The following PAIP2 variants were observed in gnomAD, a reference collection of about 807,000 sequenced individuals.
The protein encoded by PAIP2 is poly(A) binding protein interacting protein 2, also known as polyadenylate-binding protein-interacting protein 2.
A neutral mutation model predicts 14.8 loss-of-function variants in PAIP2; 7 were observed. That is an observed-to-expected ratio of 0.47 (90% CI 0.27 to 0.89). PAIP2 has a LOEUF of 0.89. PAIP2 is among the 40% of genes least tolerant of loss of function. PAIP2 has a pLI of 0.13. For synonymous variants in PAIP2, 47 were observed against 45.3 expected (o/e 1.04, Z -0.15); for missense variants, 122 against 154.7 (o/e 0.79, Z 1.12).
At position 139,354,822 on chromosome 5, in the gene PAIP2, C is replaced by CT. The variant is rs113652416; in HGVS notation, c.-26-8921dup. Among the ~76,000 whole-genome samples the CT allele has an allele frequency of 5.9e-3, 817 of 139,402 alleles. 8 individuals carry two copies. Among genetic ancestry groups the CT allele is most frequent in the African/African-American group, 0.016 (620 of 38,212 alleles). The allele number at this position is 139,402 out of a possible 152,430, so 91.5% of individuals were successfully genotyped here. ...AGTAAATTTTTCATTTCAGTTGTAC[C>CT]TTTTTTTTTTTTTTTTGAGATGGAG... is the stretch of plus-strand genomic sequence containing the variant. On this transcript the variant is annotated intron_variant, in intron 1 of 3. Coordinates refer to ENST00000265192, the MANE Select transcript of PAIP2 (RefSeq NM_016480.5).
At chr5:139,354,472 A>G (rs1300088743) in intron 1 of PAIP2, among the ~76,000 whole-genome samples, 1 of 152,182 alleles carries the variant, frequency 6.6e-6, no homozygotes, top group East Asian at 1.9e-4. Flanking sequence ...ATTCGATTGT[A>G]ATGTGTATTG....
rs530127773 is a variant in PAIP2, at chr5:139,356,561, T to C, written c.-26-7198T>C. Among the ~76,000 whole-genome samples, 14 of 151,996 alleles carry C rather than the reference T, an allele frequency of 9.2e-5. No homozygotes were observed. In the East Asian group the frequency reaches 2.7e-3, roughly 30 times the overall value. On this transcript the variant is annotated intron_variant, in intron 1 of 3. Coordinates refer to ENST00000265192, the MANE Select transcript of PAIP2 (RefSeq NM_016480.5). Reference sequence around the variant, plus strand: ...TATGGGCCATACTTTTTTATTTCTTTGCATGCCTCATAATTTTTGTTGAAA... The same window carrying C: ...TATGGGCCATACTTTTTTATTTCTTCGCATGCCTCATAATTTTTGTTGAAA...
At chr5:139,353,826 TCTC>T (rs1323964048) in intron 1 of PAIP2, among the ~76,000 whole-genome samples, 6 of 152,018 alleles carry the variant, frequency 3.9e-5, no homozygotes, top group Non-Finnish European at 7.4e-5. Context: ...TTCCAGCAGT[TCTC>T]CTGCCTCAGC....
At chr5:139,348,836 C>A (rs922024328) in intron 1 of PAIP2, among the ~76,000 whole-genome samples, 1 of 151,928 alleles carries the variant, frequency 6.6e-6, no homozygotes, top group East Asian at 1.9e-4. Flanking sequence ...TGCCACCACA[C>A]CCAGCTAATT....
Position 139,355,716 on chromosome 5 carries a change from G to A in PAIP2, c.-26-8043G>A, listed in dbSNP as rs934156716. Among the ~76,000 whole-genome samples the A allele has an allele frequency of 2.0e-5, 3 of 151,582 alleles. No homozygotes were observed. In the East Asian group the frequency reaches 5.9e-4, roughly 30 times the overall value. Reference sequence around the variant, plus strand: ...CTAAAATAATACAAAAATTAATTGGGTGTGGTGGCGGGCGCCTGTAATCCC... The same window carrying A: ...CTAAAATAATACAAAAATTAATTGGATGTGGTGGCGGGCGCCTGTAATCCC... On this transcript the variant is annotated intron_variant, in intron 1 of 3. Transcript: ENST00000265192.
At chr5:139,351,290 C>T (rs778774338) in intron 1 of PAIP2, among the ~76,000 whole-genome samples, 10 of 151,060 alleles carry the variant, frequency 6.6e-5, no homozygotes, top group African/African-American at 9.8e-5. Flanking sequence ...ATATCCTATA[C>T]GAAGCACTAC....
At chr5:139,354,419 G>C (rs1307246761) in intron 1 of PAIP2, among the ~76,000 whole-genome samples, 3 of 152,000 alleles carry the variant, frequency 2.0e-5, no homozygotes, top group African/African-American at 7.2e-5. Flanking sequence ...GTAATGAGTT[G>C]CTTCTCTTGG....
At chr5:139,353,780 C>T (rs764562755) in intron 1 of PAIP2, among the ~76,000 whole-genome samples, 2 of 151,056 alleles carry the variant, frequency 1.3e-5, no homozygotes, top group Non-Finnish European at 2.9e-5. Flanking sequence ...AGTGCAGTGG[C>T]GCTGTCTCGA....
intron 3 of PAIP2, among the ~76,000 whole-genome samples, chr5:139,368,380 T>G (rs1757428547): frequency 6.6e-6 from 1 of 151,302 alleles, no homozygotes; most frequent in African/African-American, 2.4e-5. Context: ...ATACAAAAAA[T>G]TAGTTGGGTG....
intron 1 of PAIP2, among the ~76,000 whole-genome samples, chr5:139,361,290 A>G (rs969794866): frequency 6.6e-6 from 1 of 152,122 alleles, no homozygotes; most frequent in African/African-American, 2.4e-5. Flanking sequence ...GGGCCAGGCA[A>G]CACACATAGG....
At chr5:139,355,166 C>CTTTT (rs758442291) in intron 1 of PAIP2, among the ~76,000 whole-genome samples, 2 of 118,744 alleles carry the variant, frequency 1.7e-5, no homozygotes, top group African/African-American at 6.5e-5. Context: ...TTGTCTCTCT[C>CTTTT]TTTTTTTTTT....
chr5:139,366,340 G>T (rs1427981257), intron 3 of PAIP2, among the ~76,000 whole-genome samples: 1 of 151,872 alleles, frequency 6.6e-6, no homozygotes, highest in Non-Finnish European at 1.5e-5. Context: ...ACAAAAATCA[G>T]TTCTTTAGTT....
chr5:139,352,578 A>G (rs1349978762), intron 1 of PAIP2, among the ~76,000 whole-genome samples: 1 of 140,834 alleles, frequency 7.1e-6, no homozygotes, highest in Non-Finnish European at 1.5e-5. Flanking sequence ...GCTCACCGCA[A>G]CCTCTGCCTC....
At chr5:139,359,426 A>G (rs1301694674) in intron 1 of PAIP2, among the ~76,000 whole-genome samples, 1 of 152,096 alleles carries the variant, frequency 6.6e-6, no homozygotes, top group Admixed American at 6.6e-5. Flanking sequence ...GGCATGAGCC[A>G]CAGTGCCCGG....
chr5:139,350,901 T>C (rs1489407484), intron 1 of PAIP2, among the ~76,000 whole-genome samples: 1 of 152,148 alleles, frequency 6.6e-6, no homozygotes, highest in Non-Finnish European at 1.5e-5. Context: ...GAATAAGCTT[T>C]CATTAGTGGG....
At chr5:139,359,618 G>A (rs1757011613) in intron 1 of PAIP2, among the ~76,000 whole-genome samples, 1 of 152,084 alleles carries the variant, frequency 6.6e-6, no homozygotes, top group African/African-American at 2.4e-5. Context: ...AGTGTTAGAG[G>A]AATATCTAAA....
At position 139,363,852 on chromosome 5, in the gene PAIP2, A is replaced by G. The variant is rs945712388; in HGVS notation, c.68A>G (p.His23Arg). Residue 23 changes from histidine (H) to arginine (R), a missense_variant, in exon 2 of 4, where the codon CAT becomes CGT. By Grantham distance (29) the His-to-Arg change is conservative. Around this residue, in one of 3 missense-constraint regions of PAIP2, gnomAD observed 42 missense variants for 36.7 expected, o/e 1.15. Coordinates refer to ENST00000265192, the MANE Select transcript of PAIP2 (RefSeq NM_016480.5). ...AATGAAGATGTGATTATTAACGGTC[A>G]TTCTCATGAAGATGACAATCCATTT... Reference protein sequence around the residue: ...IINEDVIINGHSHEDDNPFAE... With the variant: ...IINEDVIINGRSHEDDNPFAE... The G allele has an allele frequency of 1.2e-6, 2 of 1,613,900 alleles. No individual in the cohort carries two copies. The highest frequency in any genetic ancestry group is 1.7e-6 in the Non-Finnish European group (2 of 1,179,716).
chr5:139,357,217 G>A lies in PAIP2; in HGVS notation c.-26-6542G>A, dbSNP rs569797746. On this transcript the variant is annotated intron_variant, in intron 1 of 3. Transcript: ENST00000265192. ...TGCCTTCACTTCCTGCATGGGCAGA[G>A]CCTGAGCCAGAGGTGAAAACTTAGA... Among the ~76,000 whole-genome samples the A allele has an allele frequency of 3.3e-5, 5 of 152,314 alleles. No homozygotes were observed. The South Asian group carries it at 1.0e-3, about 32-fold the overall frequency.
chr5:139,349,648 C>G (rs1402723958), intron 1 of PAIP2, among the ~76,000 whole-genome samples: 1 of 152,080 alleles, frequency 6.6e-6, no homozygotes, highest in African/African-American at 2.4e-5. Flanking sequence ...TTTGAAAAAG[C>G]ATAAGAAAAG....
Sources: gnomAD v4.1 joint callset for allele counts (sites outside exome capture counted in the v4.1 genomes callset) on GRCh38, gnomAD v4.1.1 for gene constraint, gnomAD v4.1.1 regional missense constraint, MANE v1.5 for transcripts, NCBI Gene and HGNC (gene_info 2026-07-23, HGNC 2026-07-21) for gene names.